Variants in LBR observed in about 807,000 individuals in gnomAD.
LBR encodes the protein lamin B receptor.
A neutral mutation model predicts 74.3 loss-of-function variants in LBR; 28 were observed. The ratio of observed to expected loss-of-function variants is 0.38; its 90% CI spans 0.28 to 0.52. The LOEUF is 0.52. Among genes scored for constraint, LBR ranks in the 20% least tolerant of loss-of-function variants. The probability of loss-of-function intolerance (pLI) is 0.89; values close to 1 mark genes in which losing one functional copy is unlikely to be tolerated. For missense variants in LBR, 717 were observed against 760.3 expected, an observed-to-expected ratio of 0.94 and a Z score of 0.67; for synonymous variants, 228 against 269.3, an observed-to-expected ratio of 0.85 and a Z score of 1.50.
chr1:225,411,259 T>C (rs550419262), intron 9 of LBR, 78 bp downstream of exon 9: 10 of 1,032,626 alleles, frequency 9.7e-6, no homozygotes, highest in Middle Eastern at 2.0e-4. Flanking sequence ...CTGCTTATTT[T>C]TGAATGGTCT....
chr1:225,415,308 C>G lies in LBR; in HGVS notation c.862G>C (p.Asp288His), dbSNP rs1425669232. The change falls in exon 7 of 14, where the codon GAT (aspartate) becomes CAT (histidine). Residue 288 changes from aspartate (D) to histidine (H), a missense_variant. Asp to His is a moderately conservative substitution (Grantham distance 81, BLOSUM62 -1). Coordinates refer to ENST00000272163, the MANE Select transcript of LBR (RefSeq NM_002296.4). The part of the protein sequence containing the change: ...GKVVEGTPLI[D>H]GRRLKYRLNG... ...AATCTATACTTGAGTCTTCTTCCAT[C>G]AATAAGAGGCGTTCCTTCTACAACC... 3.1e-6 allele frequency: 5 copies of G among 1,594,786 alleles called. No homozygotes were observed. In the African/African-American group the frequency reaches 6.7e-5, roughly 21 times the overall value.
At position 225,423,945 on chromosome 1, in the gene LBR, C is replaced by T; in HGVS notation, c.131G>A (p.Gly44Glu). 6.2e-7 allele frequency: 1 copy of T among 1,613,900 alleles called. No individual in the cohort carries two copies. The highest frequency in any genetic ancestry group is 8.5e-7 in the Non-Finnish European group (1 of 1,179,778). Residue 44 changes from glycine (G) to glutamate (E), a missense_variant, in exon 2 of 14, where the codon GGA (glycine) becomes GAA (glutamate). Transcript: ENST00000272163. Reference protein sequence around the residue: ...SQLYTVKYKDGTELELKENDI... With the variant: ...SQLYTVKYKDETELELKENDI... Reference sequence around the variant, plus strand: ...ATTCTCTTTCAATTCAAGCTCTGTTCCATCTTTATACTTCACAGTGTAAAG... The same window carrying T: ...ATTCTCTTTCAATTCAAGCTCTGTTTCATCTTTATACTTCACAGTGTAAAG...
At position 225,404,415 on chromosome 1, in the gene LBR, G is replaced by A. The variant is rs1374598658; in HGVS notation, c.1676C>T (p.Ser559Phe). The A allele has an allele frequency of 6.2e-7, 1 of 1,614,040 alleles. No homozygotes were observed. Among genetic ancestry groups the A allele is most frequent in the Non-Finnish European group, 8.5e-7 (1 of 1,180,040 alleles). ...LGDLIMALAW[S>F]LPCGFNHILP... ...TCTGAAATGCTTACCACATGGGAGG[G>A]ACCACGCCAAGGCCATGATGAGATC... The change falls in exon 13 of 14, where the codon TCC becomes TTC. Residue 559 changes from serine (S) to phenylalanine (F), a missense_variant. Physicochemically the swap from Ser to Phe is radical, Grantham distance 155. Transcript: ENST00000272163.
chr1:225,415,348 A>AT lies in LBR; in HGVS notation c.838-17dup. The AT allele has an allele frequency of 7.2e-7, 1 of 1,397,534 alleles. No individual in the cohort carries two copies. Among genetic ancestry groups the AT allele is most frequent in the Non-Finnish European group, 1.0e-6 (1 of 989,868 alleles). 86.6% of individuals were successfully genotyped at this position (1,397,534 alleles called of 1,614,324 possible). On this transcript the variant is annotated splice_polypyrimidine_tract_variant and intron_variant, in intron 6 of 13. Coordinates refer to ENST00000272163, the MANE Select transcript of LBR (RefSeq NM_002296.4). ...CTTCTACAACCTTAAAAGAAAAAAA[A>AT]TTTACAAATTTACTAAGCACATCAC... is the stretch of plus-strand genomic sequence containing the variant.
Position 225,418,131 on chromosome 1 carries a change from C to A in LBR, c.690G>T (p.Leu230=). The change falls in exon 6 of 14, where the codon CTG becomes CTT. Residue 230 remains leucine (L), a synonymous_variant. Coordinates refer to ENST00000272163, the MANE Select transcript of LBR (RefSeq NM_002296.4). ...FGLPVFLFLL[L]LMCKQKDPSL... ...TGGGATCTTTCTGTTTACACATCAA[C>A]AGCAACAGGAAGAGGAACACAGGCA... 6.2e-7 allele frequency: 1 copy of A among 1,614,112 alleles called. No individual in the cohort carries two copies. The highest frequency in any genetic ancestry group is 1.3e-5 in the African/African-American group (1 of 75,034).
rs531565954 is a variant in LBR at position 225,406,819 on chromosome 1, G to T, written c.1328C>A (p.Thr443Lys). The T allele has an allele frequency of 6.2e-7, 1 of 1,614,174 alleles. No homozygotes were observed. The highest frequency in any genetic ancestry group is 1.7e-5 in the Admixed American group (1 of 60,026). Residue 443 changes from threonine (T) to lysine (K), a missense_variant, in exon 11 of 14, where the codon ACG becomes AAG. By Grantham distance (78) the Thr-to-Lys change is moderately conservative. Coordinates refer to ENST00000272163, the MANE Select transcript of LBR (RefSeq NM_002296.4). The part of the protein sequence containing the change: ...DALWNEEALL[T>K]TMDIIHDGFG... ...TCCATCGTGGATGATGTCCATGGTC[G>T]TCAACAACGCTTCCTATAAGGATAC...
chr1:225,411,088 T>C (rs868326567), intron 9 of LBR, among the ~76,000 whole-genome samples: 2 of 152,226 alleles, frequency 1.3e-5, no homozygotes, highest in African/African-American at 2.4e-5. Context: ...ATCACTTTCC[T>C]ACATAAATAT....
chr1:225,415,422 C>T, intron 6 of LBR, 90 bp from the exon 7 acceptor site: 1 of 707,312 alleles, frequency 1.4e-6, no homozygotes, highest in Non-Finnish European at 2.4e-6. Context: ...TCTAGTATCA[C>T]TTAATTTTCA....
At chr1:225,410,032 C>A (rs543936121) in intron 10 of LBR, among the ~76,000 whole-genome samples, 19 of 152,270 alleles carry the variant, frequency 1.2e-4, no homozygotes, top group African/African-American at 4.3e-4. Context: ...CAAGATCCAC[C>A]AATCTTAAAT....
intron 10 of LBR, among the ~76,000 whole-genome samples, chr1:225,407,991 T>C (rs2096096048): frequency 6.6e-6 from 1 of 152,170 alleles, no homozygotes; most frequent in African/African-American, 2.4e-5. Flanking sequence ...CCAATCAAGG[T>C]AATTAGCATA....
rs770829738 is a variant in LBR, at chr1:225,411,327, C to A, written c.1188+10G>T. 84 of 1,589,964 alleles carry A rather than the reference C, an allele frequency of 5.3e-5. No individual in the cohort carries two copies. The highest frequency in any genetic ancestry group is 5.1e-4 in the East Asian group (23 of 44,792). Reference sequence around the variant, plus strand: ...GAATTGAAATTTAGAAGAAAAAAAACCAGACATACCCATCCAATCAATCCG... The same window carrying A: ...GAATTGAAATTTAGAAGAAAAAAAAACAGACATACCCATCCAATCAATCCG... On this transcript the variant is annotated intron_variant, in intron 9 of 13. Coordinates refer to ENST00000272163, the MANE Select transcript of LBR (RefSeq NM_002296.4).
At chr1:225,404,836 G>GCAGGAGGATCTCTTGAGCCT in intron 11 of LBR, 130 bp from the exon 12 acceptor site, 1 of 716,486 alleles carries the variant, frequency 1.4e-6, no homozygotes, top group Non-Finnish European at 2.4e-6. Flanking sequence ...CTAGGCTCAA[G>GCAGGAGGATCTCTTGAGCCT]AGATCCTCCT....
chr1:225,404,057 G>C (rs187577935), intron 13 of LBR, among the ~76,000 whole-genome samples: 1 of 152,028 alleles, frequency 6.6e-6, no homozygotes, highest in African/African-American at 2.4e-5. Context: ...AAGAAAAACA[G>C]AATCTCTTTC....
chr1:225,425,440 A>G (rs2096137266), intron 1 of LBR, among the ~76,000 whole-genome samples: 1 of 152,130 alleles, frequency 6.6e-6, no homozygotes, highest in African/African-American at 2.4e-5. Context: ...CCTACCTGAG[A>G]TTGGGCATCA....
At chr1:225,412,209 G>C (rs531769905) in intron 8 of LBR, among the ~76,000 whole-genome samples, 1 of 152,124 alleles carries the variant, frequency 6.6e-6, no homozygotes, top group Non-Finnish European at 1.5e-5. Context: ...TTTACTAAAC[G>C]TCTTACTGTC....
intron 6 of LBR, among the ~76,000 whole-genome samples, chr1:225,415,990 T>C (rs1276817033): frequency 6.6e-6 from 1 of 151,838 alleles, no homozygotes; most frequent in African/African-American, 2.4e-5. Flanking sequence ...ATCACTTGAG[T>C]CCAGGAGTTG....
At chr1:225,410,530 C>G (rs1041066287) in intron 9 of LBR, 114 bp from the exon 10 acceptor site, 7 of 1,060,042 alleles carry the variant, frequency 6.6e-6, no homozygotes, top group Non-Finnish European at 8.5e-6. Flanking sequence ...CACCGTAACT[C>G]CTACCCGCCA....
At chr1:225,421,286 A>C (rs2096127011) in intron 3 of LBR, among the ~76,000 whole-genome samples, 1 of 152,152 alleles carries the variant, frequency 6.6e-6, no homozygotes, top group African/African-American at 2.4e-5. Context: ...GAGGTCAGGA[A>C]ATCGAGACCA....
At chr1:225,406,565 C>T (rs1199090179) in intron 11 of LBR, 99 bp downstream of exon 11, 4 of 1,062,300 alleles carry the variant, frequency 3.8e-6, no homozygotes, top group Non-Finnish European at 5.6e-6. Context: ...TAATGCTGGC[C>T]ATTCAAAATG....
Sources: allele counts gnomAD v4.1 joint callset (sites outside exome capture counted in the v4.1 genomes callset), GRCh38; gene constraint gnomAD v4.1.1; transcripts MANE v1.5; gene names NCBI Gene and HGNC (gene_info 2026-07-23, HGNC 2026-07-21).